Variants in CSMD1 observed in about 807,000 individuals in gnomAD.
CSMD1 encodes the protein CUB and sushi domain-containing protein 1.
A neutral mutation model predicts 417.5 loss-of-function variants in CSMD1; 213 were observed. The observed-to-expected ratio is 0.51, with a 90% CI of 0.46 to 0.57. CSMD1 has a LOEUF of 0.57. CSMD1 is among the 20% of genes least tolerant of loss of function. The probability of loss-of-function intolerance (pLI) is 0.00; values close to 1 mark genes in which losing one functional copy is unlikely to be tolerated. For synonymous variants in CSMD1, 2,862 were observed against 1,736.8 expected, an observed-to-expected ratio of 1.65 and a Z score of -16.11; for missense variants, 6,923 against 4,529.7, an observed-to-expected ratio of 1.53 and a Z score of -15.17.
At chr8:3,659,352 A>C (rs7822812) in intron 7 of CSMD1, among the ~76,000 whole-genome samples, 2 of 152,210 alleles carry the variant, frequency 1.3e-5, no homozygotes, top group African/African-American at 4.8e-5. Flanking sequence ...GCACTTGCCA[A>C]TCTAGTTTAC....
At chr8:3,305,291 C>T (rs1340939068) in intron 25 of CSMD1, among the ~76,000 whole-genome samples, 1 of 151,844 alleles carries the variant, frequency 6.6e-6, no homozygotes, top group African/African-American at 2.4e-5. Flanking sequence ...GATCAATAAT[C>T]ATCAAATTAA....
At chr8:3,715,877 G>C (rs967950291) in intron 6 of CSMD1, among the ~76,000 whole-genome samples, 2 of 152,114 alleles carry the variant, frequency 1.3e-5, no homozygotes, top group African/African-American at 2.4e-5. Context: ...ACGGCCTGCA[G>C]ACAGACAGGA....
chr8:4,720,530 G>C (rs1222341543), intron 1 of CSMD1, among the ~76,000 whole-genome samples: 1 of 152,068 alleles, frequency 6.6e-6, no homozygotes, highest in Non-Finnish European at 1.5e-5. Flanking sequence ...CAAGTCTCCT[G>C]CCTCAGCCCC....
intron 5 of CSMD1, among the ~76,000 whole-genome samples, chr8:3,834,686 T>G (rs561959581): frequency 6.6e-6 from 1 of 152,074 alleles, no homozygotes; most frequent in African/African-American, 2.4e-5. Context: ...ACAGAACGTG[T>G]AGTTGGTGTC....
intron 1 of CSMD1, among the ~76,000 whole-genome samples, chr8:4,955,283 T>A (rs1450306932): frequency 6.6e-6 from 1 of 152,158 alleles, no homozygotes; most frequent in African/African-American, 2.4e-5. Flanking sequence ...TAAAGTTGCA[T>A]AAACTTGTAA....
chr8:4,827,579 C>T (rs1473637423), intron 1 of CSMD1, among the ~76,000 whole-genome samples: 3 of 152,168 alleles, frequency 2.0e-5, no homozygotes, highest in Non-Finnish European at 4.4e-5. Flanking sequence ...AATGAAAATA[C>T]AGCCTGCATT....
intron 7 of CSMD1, among the ~76,000 whole-genome samples, chr8:3,694,411 C>A (rs555675929): frequency 6.6e-6 from 1 of 152,116 alleles, no homozygotes; most frequent in African/African-American, 2.4e-5. Flanking sequence ...GCCTGCTGCA[C>A]ACCAGGGAGT....
chr8:3,015,395 G>A (rs1306052559), intron 52 of CSMD1, among the ~76,000 whole-genome samples: 1 of 151,930 alleles, frequency 6.6e-6, no homozygotes, highest in Non-Finnish European at 1.5e-5. Context: ...TGGATGATTT[G>A]CTTTTTAAAG....
At chr8:4,477,244 C>T (rs1563216329) in intron 2 of CSMD1, among the ~76,000 whole-genome samples, 1 of 152,208 alleles carries the variant, frequency 6.6e-6, no homozygotes, top group Admixed American at 6.5e-5. Flanking sequence ...CTACCTAGGG[C>T]TAGAGCCACT....
At chr8:4,758,561 A>G (rs1336269173) in intron 1 of CSMD1, among the ~76,000 whole-genome samples, 5 of 152,170 alleles carry the variant, frequency 3.3e-5, no homozygotes, top group African/African-American at 1.2e-4. Context: ...GTATTAGTCC[A>G]TTTTCTCACT....
In CSMD1 at chr8:3,296,818, G is replaced by A. The variant is rs530569092; in HGVS notation, c.3950+10877C>T. 7.9e-5 allele frequency among the ~76,000 whole-genome samples: 12 copies of A among 152,248 alleles called. No individual in the cohort carries two copies. In the South Asian group the frequency reaches 1.0e-3, roughly 13 times the overall value. The stretch of plus-strand genomic sequence containing the variant: ...CTGAGAAACGGTGCAGTATGTTTAT[G>A]GGATGGGGAAAATCAGAGTTTCTGT... On this transcript the variant is annotated intron_variant, in intron 25 of 69. Transcript: ENST00000635120.
chr8:4,165,428 G>A (rs900971522), intron 3 of CSMD1, among the ~76,000 whole-genome samples: 1 of 152,192 alleles, frequency 6.6e-6, no homozygotes, highest in African/African-American at 2.4e-5. Flanking sequence ...TTTGTTTGAG[G>A]TGGTGTCATG....
At chr8:4,923,898 G>T (rs1222607293) in intron 1 of CSMD1, among the ~76,000 whole-genome samples, 1 of 152,148 alleles carries the variant, frequency 6.6e-6, no homozygotes, top group Non-Finnish European at 1.5e-5. Flanking sequence ...TATCTGTATA[G>T]GTTTCTTTGG....
intron 1 of CSMD1, among the ~76,000 whole-genome samples, chr8:4,965,444 T>C (rs909084254): frequency 6.6e-6 from 1 of 152,244 alleles, no homozygotes; most frequent in Non-Finnish European, 1.5e-5. Context: ...AGATGAGTTG[T>C]CTCAGTGATA....
At chr8:3,341,567 G>C (rs1032609038) in intron 23 of CSMD1, among the ~76,000 whole-genome samples, 3 of 152,152 alleles carry the variant, frequency 2.0e-5, no homozygotes, top group African/African-American at 7.2e-5. Flanking sequence ...GAAAAAGTGA[G>C]CTTAGTAACA....
chr8:3,989,370 G>A (rs1814575479), intron 5 of CSMD1, among the ~76,000 whole-genome samples: 1 of 152,112 alleles, frequency 6.6e-6, no homozygotes. Context: ...ATGGCCTGCT[G>A]ATAGAAAGGT....
intron 2 of CSMD1, among the ~76,000 whole-genome samples, chr8:4,594,193 A>ACCTTTTTT (rs1563318194): frequency 1.1e-5 from 1 of 88,110 alleles, no homozygotes; most frequent in Non-Finnish European, 2.4e-5. Flanking sequence ...TTCTAAAGTG[A>ACCTTTTTT]TCTTTTTTTT....
chr8:4,192,670 T>A (rs962667612), intron 3 of CSMD1, among the ~76,000 whole-genome samples: 15 of 152,304 alleles, frequency 9.8e-5, no homozygotes, highest in Admixed American at 8.5e-4. Flanking sequence ...ACCTTAAATC[T>A]GCACTTAAAT....
At chr8:4,744,304 T>G (rs1250680950) in intron 1 of CSMD1, among the ~76,000 whole-genome samples, 4 of 152,176 alleles carry the variant, frequency 2.6e-5, no homozygotes, top group Admixed American at 2.0e-4. Flanking sequence ...TTCTTCCATT[T>G]TGCTTTCCTG....
Sources: allele counts gnomAD v4.1 joint callset (sites outside exome capture counted in the v4.1 genomes callset), GRCh38; gene constraint gnomAD v4.1.1; transcripts MANE v1.5; gene names NCBI Gene and HGNC (gene_info 2026-07-23, HGNC 2026-07-21).